The following HEMK2 variants were observed in gnomAD, a reference collection of about 807,000 sequenced individuals.
The protein encoded by HEMK2 is HemK methyltransferase 2, ETF1 glutamine and histone H4 lysine.
At chr21:28,866,659 G>A in the HEMK2 span, among the ~76,000 whole-genome samples, 14 of 151,350 alleles carry the variant, frequency 9.3e-5, no homozygotes, top group Non-Finnish European at 1.6e-4. Context: ...CTTGAAACCC[G>A]GAGGCAGAGG....
the HEMK2 span, among the ~76,000 whole-genome samples, chr21:28,831,566 G>GGAAAGAAGGAAAGAAAAGAAA: frequency 1.5e-5 from 1 of 65,796 alleles, no homozygotes; most frequent in African/African-American, 9.4e-5. Context: ...AAGGAAAGAA[G>GGAAAGAAGGAAAGAAAAGAAA]GAAAGAAAGA....
At chr21:28,701,026 A>G in the HEMK2 span, among the ~76,000 whole-genome samples, 1 of 152,170 alleles carries the variant, frequency 6.6e-6, no homozygotes, top group Admixed American at 6.5e-5. Context: ...TTAATCACAT[A>G]AACAGAACTA....
the HEMK2 span, among the ~76,000 whole-genome samples, chr21:28,843,457 C>T: frequency 6.6e-6 from 1 of 152,134 alleles, no homozygotes; most frequent in Non-Finnish European, 1.5e-5. Flanking sequence ...CAATCCAAAA[C>T]CATATTAAGT....
chr21:28,794,644 C>T, the HEMK2 span, among the ~76,000 whole-genome samples: 2 of 152,194 alleles, frequency 1.3e-5, no homozygotes, highest in Non-Finnish European at 2.9e-5. Flanking sequence ...AATGTGGTAT[C>T]CACATATTGT....
chr21:28,648,534 G>A, the HEMK2 span, among the ~76,000 whole-genome samples: 1 of 152,122 alleles, frequency 6.6e-6, no homozygotes, highest in Non-Finnish European at 1.5e-5. Context: ...AGGTATTCAG[G>A]TAAGGTTTGT....
the HEMK2 span, among the ~76,000 whole-genome samples, chr21:28,686,882 C>T: frequency 6.6e-6 from 1 of 152,170 alleles, no homozygotes; most frequent in African/African-American, 2.4e-5. Context: ...AGACTCTGAA[C>T]TATTTTAGCC....
At chr21:28,877,462 G>A in the HEMK2 span, among the ~76,000 whole-genome samples, 1 of 147,892 alleles carries the variant, frequency 6.8e-6, no homozygotes, top group African/African-American at 2.5e-5. Context: ...CAGAAGGAAG[G>A]AAAAAAAGAA....
At chr21:28,727,865 A>T in the HEMK2 span, among the ~76,000 whole-genome samples, 4 of 152,310 alleles carry the variant, frequency 2.6e-5, no homozygotes, top group South Asian at 2.1e-4. Context: ...GTTCCCAATT[A>T]AAAAAATAGG....
chr21:28,579,122 A>G, the HEMK2 span, among the ~76,000 whole-genome samples: 1 of 152,202 alleles, frequency 6.6e-6, no homozygotes, highest in East Asian at 1.9e-4. Flanking sequence ...GTTGTAGAAA[A>G]TGGATGGTAA....
At chr21:28,868,723 C>T in the HEMK2 span, among the ~76,000 whole-genome samples, 316 of 152,218 alleles carry the variant, frequency 2.1e-3, 2 homozygotes, top group African/African-American at 7.2e-3. Context: ...GCATGTTAGT[C>T]CTGTACACGT....
chr21:28,788,922 C>A, the HEMK2 span, among the ~76,000 whole-genome samples: 1 of 151,910 alleles, frequency 6.6e-6, no homozygotes, highest in Non-Finnish European at 1.5e-5. Flanking sequence ...CATGTGAAGA[C>A]GCAGGCATAG....
At chr21:28,698,689 A>G in the HEMK2 span, among the ~76,000 whole-genome samples, 1 of 152,184 alleles carries the variant, frequency 6.6e-6, no homozygotes, top group Non-Finnish European at 1.5e-5. Context: ...AATTTTTTCT[A>G]CTCCATCTCC....
the HEMK2 span, among the ~76,000 whole-genome samples, chr21:28,639,828 T>C: frequency 1.3e-5 from 2 of 152,220 alleles, no homozygotes; most frequent in African/African-American, 4.8e-5. Context: ...ATTCAGATTC[T>C]AGTTGTTAAA....
chr21:28,725,521 C>T, the HEMK2 span, among the ~76,000 whole-genome samples: 482 of 152,268 alleles, frequency 3.2e-3, 1 homozygote, highest in African/African-American at 0.011. Context: ...TCAGGCATTT[C>T]TCCCCCTTAG....
the HEMK2 span, among the ~76,000 whole-genome samples, chr21:28,605,381 TAG>T: frequency 6.6e-6 from 1 of 152,358 alleles, no homozygotes; most frequent in Middle Eastern, 3.4e-3. Context: ...CTGCAACAGA[TAG>T]AGAGTGCAGT....
chr21:28,832,771 A>G, the HEMK2 span, among the ~76,000 whole-genome samples: 34 of 152,210 alleles, frequency 2.2e-4, no homozygotes, highest in Admixed American at 6.5e-4. Context: ...ACAGACTACT[A>G]AGTTAACCAT....
At chr21:28,768,967 G>A in the HEMK2 span, among the ~76,000 whole-genome samples, 1,095 of 152,068 alleles carry the variant, frequency 7.2e-3, 14 homozygotes, top group African/African-American at 0.026. Flanking sequence ...GCCAAGCAGA[G>A]AGACCTCAGG....
chr21:28,882,249 A>G, the HEMK2 span: 1 of 1,610,106 alleles, frequency 6.2e-7, no homozygotes, highest in Non-Finnish European at 8.5e-7. Context: ...ATATCAGTGC[A>G]CCTATAAACA....
At chr21:28,733,227 C>T in the HEMK2 span, among the ~76,000 whole-genome samples, 3 of 152,026 alleles carry the variant, frequency 2.0e-5, no homozygotes, top group South Asian at 2.1e-4. Context: ...TGCAGTGAGC[C>T]GAGATCGTGC....
Sources: allele counts gnomAD v4.1 joint callset (sites outside exome capture counted in the v4.1 genomes callset), GRCh38; gene constraint gnomAD v4.1.1; transcripts MANE v1.5; gene names NCBI Gene and HGNC (gene_info 2026-07-23, HGNC 2026-07-21).